Variants in PDE9A observed in about 807,000 individuals in gnomAD.
PDE9A encodes phosphodiesterase 9A, also known as high affinity cGMP-specific 3',5'-cyclic phosphodiesterase 9A.
A neutral mutation model predicts 87.4 loss-of-function variants in PDE9A; 60 were observed. The ratio of observed to expected loss-of-function variants is 0.69; its 90% confidence interval spans 0.56 to 0.85. PDE9A has a LOEUF of 0.85. Ranked by LOEUF, PDE9A falls within the 40% of genes least tolerant of loss-of-function variation. PDE9A has a pLI of 0.00. For missense variants in PDE9A, 665 were observed against 779.0 expected, an observed-to-expected ratio of 0.85 and a Z score of 1.74; for synonymous variants, 272 against 279.4, an observed-to-expected ratio of 0.97 and a Z score of 0.27.
rs1395200098 is a variant in PDE9A, at chr21:42,760,321, C to G, written c.898-7C>G. On this transcript the variant is annotated splice_region_variant and splice_polypyrimidine_tract_variant and intron_variant, in intron 11 of 19. Transcript: ENST00000291539. The surrounding 1 kb of genome is among the most constrained non-coding windows in gnomAD (Gnocchi z 5.2). ...ACAGGGTGACTCGGACCCCCTGCCT[C>G]CCGCAGTTCTGCGTCCACGACAACT... 1 of 1,576,408 alleles carries G rather than the reference C, an allele frequency of 6.3e-7. No homozygotes were observed. Among genetic ancestry groups the G allele is most frequent in the Admixed American group, 1.7e-5 (1 of 59,964 alleles).
rs2057328657 is a variant in PDE9A at position 42,659,497 on chromosome 21, G to A, written c.69+5614G>A. On this transcript the variant is annotated intron_variant, in intron 1 of 19. Coordinates refer to ENST00000291539, the MANE Select transcript of PDE9A (RefSeq NM_002606.3). This position sits in a 1 kb window ranked among gnomAD's most constrained non-coding sequence, Gnocchi z 4.1. ...GGAGGCTCACTGTGCAGTCCACGCG[G>A]AGCAATGGGGTGAAGTTTCCAGAGC... Among the ~76,000 whole-genome samples, 3 of 152,220 alleles carry A rather than the reference G, an allele frequency of 2.0e-5. No homozygotes were observed. The highest frequency in any genetic ancestry group is 1.9e-4 in the East Asian group (1 of 5,198).
In PDE9A at chr21:42,775,460, A is replaced by G; in HGVS notation, c.*167A>G. On this transcript the variant is annotated 3_prime_UTR_variant, in exon 20 of 20. Coordinates refer to ENST00000291539, the MANE Select transcript of PDE9A (RefSeq NM_002606.3). ...AAAAAAGGAATTCATGATGCTGTAC[A>G]GAATTTTATTTTTAAACTGTCTTTT... 1 of 535,182 alleles carries G rather than the reference A, an allele frequency of 1.9e-6. No homozygotes were observed. Among genetic ancestry groups the G allele is most frequent in the Non-Finnish European group, 3.3e-6 (1 of 300,368 alleles). The allele number at this position is 535,182 out of a possible 1,614,324, so 33.2% of individuals were successfully genotyped here. A position where few individuals can be genotyped will look rare whatever the true frequency, so the allele number is the denominator to read the frequency against.
chr21:42,672,203 G>A (rs942989968), intron 1 of PDE9A, among the ~76,000 whole-genome samples: 1 of 152,162 alleles, frequency 6.6e-6, no homozygotes, highest in Non-Finnish European at 1.5e-5. Context: ...TTATGGCCAC[G>A]AGCCCACCTC....
chr21:42,696,364 G>C lies in PDE9A; in HGVS notation c.219-2604G>C, dbSNP rs376229338. On this transcript the variant is annotated intron_variant, in intron 3 of 19. Coordinates refer to ENST00000291539, the MANE Select transcript of PDE9A (RefSeq NM_002606.3). The surrounding 1 kb of genome is among the most constrained non-coding windows in gnomAD (Gnocchi z 5.1). ...CCTTCTCTGCGCCTGGTCACTACCC[G>C]CCCCCCACCTCCAGCATTAATTTTC... Among the ~76,000 whole-genome samples, 1 of 152,042 alleles carries C rather than the reference G, an allele frequency of 6.6e-6. No homozygotes were observed. The highest frequency in any genetic ancestry group is 6.6e-5 in the Admixed American group (1 of 15,260).
chr21:42,740,711 G>C (rs1265216611), intron 7 of PDE9A, among the ~76,000 whole-genome samples: 5 of 135,478 alleles, frequency 3.7e-5, no homozygotes, highest in Non-Finnish European at 7.8e-5. Context: ...GTAGTAGATA[G>C]ATAGATAGAT....
Position 42,692,482 on chromosome 21 carries a change from C to T in PDE9A, c.218+4488C>T, listed in dbSNP as rs963407091. 6.6e-6 allele frequency among the ~76,000 whole-genome samples: 1 copy of T among 152,190 alleles called. No individual in the cohort carries two copies. Among genetic ancestry groups the T allele is most frequent in the Admixed American group, 6.5e-5 (1 of 15,278 alleles). ...TGCTCTGTCGCTGTCCTCTCACCCTCCCCCAATCTTCCAACCTAGTAGTTC... is the reference window on the plus strand; with the variant it reads ...TGCTCTGTCGCTGTCCTCTCACCCTTCCCCAATCTTCCAACCTAGTAGTTC... On this transcript the variant is annotated intron_variant, in intron 3 of 19. Coordinates refer to ENST00000291539, the MANE Select transcript of PDE9A (RefSeq NM_002606.3). The surrounding 1 kb of genome is among the most constrained non-coding windows in gnomAD (Gnocchi z 4.3).
intron 1 of PDE9A, among the ~76,000 whole-genome samples, chr21:42,665,828 G>A (rs1042597545): frequency 3.9e-5 from 6 of 152,242 alleles, no homozygotes; most frequent in Non-Finnish European, 7.3e-5. Flanking sequence ...CAGCTCACCC[G>A]TGAGAGGGCG....
intron 10 of PDE9A, among the ~76,000 whole-genome samples, chr21:42,754,339 G>C (rs566931259): frequency 4.6e-5 from 7 of 152,304 alleles, no homozygotes; most frequent in Non-Finnish European, 8.8e-5. Flanking sequence ...TCCTGATGGC[G>C]CTGGGCCCCC....
intron 4 of PDE9A, among the ~76,000 whole-genome samples, chr21:42,719,639 CAAAAA>C (rs35644198): frequency 7.6e-6 from 1 of 131,146 alleles, no homozygotes; most frequent in African/African-American, 2.6e-5. Context: ...GAGTCTGTCT[CAAAAA>C]AAAAAAAAAA....
At position 42,675,910 on chromosome 21, in the gene PDE9A, G is replaced by T. The variant is rs573608024; in HGVS notation, c.70-10282G>T. Reference sequence around the variant, plus strand: ...ATCCTCAGTGTTGGAGTGGGGCCTGGTGGGAGGTGACTGGATCGTGGGGTG... The same window carrying T: ...ATCCTCAGTGTTGGAGTGGGGCCTGTTGGGAGGTGACTGGATCGTGGGGTG... On this transcript the variant is annotated intron_variant, in intron 1 of 19. Transcript: ENST00000291539. The surrounding 1 kb of genome is among the most constrained non-coding windows in gnomAD (Gnocchi z 4.3). Among the ~76,000 whole-genome samples the T allele has an allele frequency of 3.9e-5, 6 of 152,338 alleles. No homozygotes were observed. In the South Asian group the frequency reaches 1.2e-3, roughly 32 times the overall value.
At chr21:42,775,023 T>C (rs370605649) in intron 19 of PDE9A, among the ~76,000 whole-genome samples, 2,112 of 149,214 alleles carry the variant, frequency 0.014, 61 homozygotes, top group African/African-American at 0.049. Context: ...CTCACTGCAA[T>C]CTCCACCTCC....
intron 8 of PDE9A, among the ~76,000 whole-genome samples, chr21:42,744,979 TC>T (rs1012098190): frequency 2.0e-5 from 3 of 152,160 alleles, no homozygotes; most frequent in African/African-American, 7.2e-5. Context: ...GGCTCATGGT[TC>T]CCCAGAGTGC....
intron 7 of PDE9A, among the ~76,000 whole-genome samples, chr21:42,736,416 G>A (rs894438570): frequency 6.6e-6 from 1 of 152,140 alleles, no homozygotes. Context: ...TCTGGCTGCG[G>A]AATTCTCCAA....
intron 17 of PDE9A, among the ~76,000 whole-genome samples, chr21:42,769,617 TACACATGCAC>T (rs1214594522): frequency 6.2e-5 from 6 of 96,708 alleles, no homozygotes; most frequent in Middle Eastern, 9.4e-3. Context: ...CACATGCAGG[TACACATGCAC>T]ACACAGGCAC....
At chr21:42,709,775 C>A (rs1330353835) in intron 4 of PDE9A, among the ~76,000 whole-genome samples, 1 of 152,194 alleles carries the variant, frequency 6.6e-6, no homozygotes, top group Non-Finnish European at 1.5e-5. Flanking sequence ...CCTCGACCTC[C>A]TGGGCTCAGG....
chr21:42,743,733 T>C (rs1156642917), intron 7 of PDE9A, 43 bp from the exon 8 acceptor site: 1 of 1,277,076 alleles, frequency 7.8e-7, no homozygotes, highest in Non-Finnish European at 1.1e-6. Context: ...TCCTCCACAT[T>C]CGTCCGTGGT....
At chr21:42,731,399 G>A (rs2051723597) in intron 4 of PDE9A, among the ~76,000 whole-genome samples, 2 of 152,350 alleles carry the variant, frequency 1.3e-5, no homozygotes, top group East Asian at 1.9e-4. Context: ...GAGCCAGGTA[G>A]AGACCGCTCC....
intron 2 of PDE9A, 75 bp downstream of exon 2, chr21:42,686,337 G>T: frequency 8.2e-7 from 1 of 1,215,300 alleles, no homozygotes; most frequent in South Asian, 1.2e-5. Flanking sequence ...TGGGAGGGGC[G>T]GGAAGAGGCG....
intron 4 of PDE9A, among the ~76,000 whole-genome samples, chr21:42,701,693 T>C (rs2048400586): frequency 6.6e-6 from 1 of 152,116 alleles, no homozygotes; most frequent in Non-Finnish European, 1.5e-5. Context: ...CTCCCTGAGA[T>C]TACAGACGTG....
Sources: gnomAD v4.1 joint callset for allele counts (sites outside exome capture counted in the v4.1 genomes callset) on GRCh38, gnomAD v4.1.1 for gene constraint, Gnocchi (gnomAD v3.1) non-coding constraint, MANE v1.5 for transcripts, NCBI Gene and HGNC (gene_info 2026-07-23, HGNC 2026-07-21) for gene names.